LHPP: variants seen among roughly 807,000 people sequenced by gnomAD.
The protein encoded by LHPP is phospholysine phosphohistidine inorganic pyrophosphate phosphatase, also known as hLHPP.
In LHPP, 24 loss-of-function variants were observed where a neutral mutation model predicts 30.3. That is an observed-to-expected ratio of 0.79 (90% confidence interval 0.57 to 1.11). The LOEUF (loss-of-function observed/expected upper bound fraction) is 1.11. LHPP is among the 50% of genes most tolerant of loss of function. The pLI is 0.00. For missense variants in LHPP, 356 were observed against 367.2 expected, an observed-to-expected ratio of 0.97 and a Z score of 0.25; for synonymous variants, 150 against 157.1, an observed-to-expected ratio of 0.95 and a Z score of 0.34.
intron 2 of LHPP, among the ~76,000 whole-genome samples, chr10:124,486,844 G>T (rs1185290535): frequency 2.0e-5 from 3 of 152,168 alleles, no homozygotes; most frequent in Non-Finnish European, 4.4e-5. Flanking sequence ...AGGGCCCGAG[G>T]CCTTGAGCAT....
intron 5 of LHPP, among the ~76,000 whole-genome samples, chr10:124,515,962 G>A (rs563065251): frequency 6.6e-6 from 1 of 152,348 alleles, no homozygotes; most frequent in East Asian, 1.9e-4. Flanking sequence ...TCTCCATGCA[G>A]CCTTCTCCTC....
At position 124,576,355 on chromosome 10, in the gene LHPP, C is replaced by T. The variant is rs1413020427; in HGVS notation, c.717-36909C>T. Among the ~76,000 whole-genome samples, 4 of 152,052 alleles carry T rather than the reference C, an allele frequency of 2.6e-5. No homozygotes were observed. Among genetic ancestry groups the T allele is most frequent in the Non-Finnish European group, 4.4e-5 (3 of 67,966 alleles). ...GCGCTGGGGTGGCAGCAGGGCCAGA[C>T]CCCACTTCAGGGGTTGCCCCCAGGA... On this transcript the variant is annotated intron_variant, in intron 6 of 6. Coordinates refer to ENST00000368842, the MANE Select transcript of LHPP (RefSeq NM_022126.4). This position sits in a 1 kb window ranked among gnomAD's most constrained non-coding sequence, Gnocchi z 4.2.
intron 6 of LHPP, among the ~76,000 whole-genome samples, chr10:124,549,923 C>T (rs55890241): frequency 0.14 from 21,106 of 152,278 alleles, 1,936 homozygotes; most frequent in Non-Finnish European, 0.2. Context: ...AAAATGAAGT[C>T]GTGTCTGTGA....
At position 124,613,383 on chromosome 10, in the gene LHPP, C is replaced by T. The variant is rs1418687421; in HGVS notation, c.*23C>T. The T allele has an allele frequency of 1.5e-6, 2 of 1,327,236 alleles. No individual in the cohort carries two copies. Among genetic ancestry groups the T allele is most frequent in the African/African-American group, 2.8e-5 (2 of 71,252 alleles). 82.2% of individuals were successfully genotyped at this position (1,327,236 alleles called of 1,614,324 possible). ...TGATGGCCTCCTGGGAGAGCCCCGCCTCCTCCACCCCTGCCTCTCCTCCAC... is the reference window on the plus strand; with the variant it reads ...TGATGGCCTCCTGGGAGAGCCCCGCTTCCTCCACCCCTGCCTCTCCTCCAC... On this transcript the variant is annotated 3_prime_UTR_variant, in exon 7 of 7. Transcript: ENST00000368842.
chr10:124,550,549 C>T (rs1589856084), intron 6 of LHPP, among the ~76,000 whole-genome samples: 1 of 152,172 alleles, frequency 6.6e-6, no homozygotes, highest in African/African-American at 2.4e-5. Context: ...GCTGCAGTGG[C>T]GTGGGAGGCG....
chr10:124,559,194 G>A (rs1286509289), intron 6 of LHPP, among the ~76,000 whole-genome samples: 7 of 152,248 alleles, frequency 4.6e-5, no homozygotes, highest in Admixed American at 2.0e-4. Context: ...CAGGAGACTC[G>A]AGGAGGGAGA....
intron 6 of LHPP, among the ~76,000 whole-genome samples, chr10:124,591,598 C>T (rs981551519): frequency 1.2e-4 from 19 of 152,130 alleles, no homozygotes; most frequent in African/African-American, 4.1e-4. Flanking sequence ...GTGTCCGTGT[C>T]TCTGTTATTC....
intron 6 of LHPP, among the ~76,000 whole-genome samples, chr10:124,607,550 G>A (rs779486697): frequency 6.6e-6 from 1 of 152,196 alleles, no homozygotes; most frequent in East Asian, 1.9e-4. Flanking sequence ...GGGGCTGGCC[G>A]GATTCTCATT....
In LHPP at chr10:124,533,120, A is replaced by G. The variant is rs117692172; in HGVS notation, c.716+15849A>G. Among the ~76,000 whole-genome samples the G allele has an allele frequency of 2.6e-5, 4 of 152,302 alleles. No homozygotes were observed. The East Asian group carries it at 7.7e-4, about 29-fold the overall frequency. ...AGTTCAGGGAAGCAATGGGAGTGGAATGCTGGGTGCATCACGGCCTGGGGT... is the reference window on the plus strand; with the variant it reads ...AGTTCAGGGAAGCAATGGGAGTGGAGTGCTGGGTGCATCACGGCCTGGGGT... On this transcript the variant is annotated intron_variant, in intron 6 of 6. Transcript: ENST00000368842.
intron 6 of LHPP, among the ~76,000 whole-genome samples, chr10:124,598,804 C>G (rs1486185700): frequency 6.6e-6 from 1 of 151,822 alleles, no homozygotes; most frequent in Non-Finnish European, 1.5e-5. Flanking sequence ...GCTACCCACC[C>G]TTCTCTGTCC....
At chr10:124,560,264 T>TA (rs1194817172) in intron 6 of LHPP, among the ~76,000 whole-genome samples, 1 of 152,204 alleles carries the variant, frequency 6.6e-6, no homozygotes, top group African/African-American at 2.4e-5. Context: ...AAGAAGCAGC[T>TA]AAAAAAAGTC....
intron 6 of LHPP, among the ~76,000 whole-genome samples, chr10:124,550,660 G>A (rs564241821): frequency 3.3e-5 from 5 of 152,320 alleles, no homozygotes; most frequent in Middle Eastern, 6.8e-3. Context: ...ACACAGGCGT[G>A]TCCCCCGTGC....
intron 3 of LHPP, among the ~76,000 whole-genome samples, chr10:124,494,451 TG>T (rs1355996102): frequency 2.0e-5 from 3 of 152,132 alleles, no homozygotes; most frequent in Admixed American, 1.3e-4. Context: ...ATTTCCTGTG[TG>T]GGGTATATTC....
intron 1 of LHPP, among the ~76,000 whole-genome samples, chr10:124,475,146 C>G (rs1009819463): frequency 6.6e-6 from 1 of 150,698 alleles, no homozygotes; most frequent in Non-Finnish European, 1.5e-5. Context: ...CCTCAGCCTC[C>G]TGAATAGCTG....
chr10:124,594,354 C>G (rs1332965342), intron 6 of LHPP, among the ~76,000 whole-genome samples: 1 of 117,266 alleles, frequency 8.5e-6, no homozygotes, highest in Non-Finnish European at 1.8e-5. Context: ...AAAAAAAAGA[C>G]AGCATCACTG....
intron 6 of LHPP, among the ~76,000 whole-genome samples, chr10:124,603,904 G>A (rs372798615): frequency 2.5e-3 from 379 of 152,322 alleles, no homozygotes; most frequent in African/African-American, 8.2e-3. Context: ...GGTAGCTGAG[G>A]CTGGAGCCTG....
rs530023778 is a variant in LHPP at position 124,493,546 on chromosome 10, G to A, written c.468-3415G>A. 2.8e-4 allele frequency among the ~76,000 whole-genome samples: 43 copies of A among 152,334 alleles called. No homozygotes were observed. In the East Asian group the frequency reaches 6.2e-3, roughly 22 times the overall value. ...GCTTTGTAATTTCTTCTGTCATGCC[G>A]CTCTCAGAAAATTAAGCTGTTTACC... On this transcript the variant is annotated intron_variant, in intron 3 of 6. Coordinates refer to ENST00000368842, the MANE Select transcript of LHPP (RefSeq NM_022126.4).
intron 6 of LHPP, among the ~76,000 whole-genome samples, chr10:124,532,066 G>T (rs1338841980): frequency 6.6e-6 from 1 of 152,254 alleles, no homozygotes; most frequent in Non-Finnish European, 1.5e-5. Flanking sequence ...GGGATATTCA[G>T]ATGGTCCCCG....
At chr10:124,583,787 C>T (rs1038407621) in intron 6 of LHPP, among the ~76,000 whole-genome samples, 8 of 152,144 alleles carry the variant, frequency 5.3e-5, no homozygotes, top group Non-Finnish European at 8.8e-5. Context: ...CCACCTCTAG[C>T]ATGGAGGATT....
Sources: gnomAD v4.1 joint callset for allele counts (sites outside exome capture counted in the v4.1 genomes callset) on GRCh38, gnomAD v4.1.1 for gene constraint, Gnocchi (gnomAD v3.1) non-coding constraint, MANE v1.5 for transcripts, NCBI Gene and HGNC (gene_info 2026-07-23, HGNC 2026-07-21) for gene names.